The following LMNTD2 variants were observed in gnomAD, a reference collection of about 807,000 sequenced individuals.
The protein encoded by LMNTD2 is lamin tail domain containing 2.
LMNTD2 carries 83 observed loss-of-function variants against 70.1 expected under a neutral mutation model. The ratio of observed to expected loss-of-function variants is 1.18; its 90% CI spans 0.99 to 1.42. The LOEUF (loss-of-function observed/expected upper bound fraction) is 1.42. Among genes scored for constraint, LMNTD2 ranks in the 40% most tolerant of loss-of-function variants. The pLI is 0.00. For missense variants in LMNTD2, 1,153 were observed against 905.9 expected (o/e 1.27, Z -3.50); for synonymous variants, 534 against 406.1 (o/e 1.31, Z -3.79).
chr11:559,196 T>C, intron 1 of LMNTD2: 1 of 1,475,724 alleles, frequency 6.8e-7, no homozygotes, highest in Non-Finnish European at 9.0e-7. Context: ...CACACCCGTG[T>C]GTTTCTGACC....
chr11:557,100 G>A lies in LMNTD2; in HGVS notation c.714-3C>T, dbSNP rs370070902. 6.3e-7 allele frequency: 1 copy of A among 1,586,726 alleles called. No homozygotes were observed. The highest frequency in any genetic ancestry group is 1.3e-5 in the African/African-American group (1 of 74,456). On this transcript the variant is annotated splice_region_variant and splice_polypyrimidine_tract_variant and intron_variant, in intron 7 of 13. Coordinates refer to ENST00000329451, the MANE Select transcript of LMNTD2 (RefSeq NM_173573.3). ...GCTGTGGCCAGGGCCGGGGCTGCCT[G>A]TGGACCACGCTCTGCTTGATGGCCA...
intron 9 of LMNTD2, 54 bp downstream of exon 9, chr11:556,438 G>A (rs1564815621): frequency 6.5e-6 from 10 of 1,545,832 alleles, no homozygotes; most frequent in Non-Finnish European, 7.9e-6. Context: ...TGCGCGCCCC[G>A]CCCGGAAACC....
At position 556,374 on chromosome 11, in the gene LMNTD2, G is replaced by A; in HGVS notation, c.1075C>T (p.Pro359Ser). The change falls in exon 10 of 14, where the codon CCG becomes TCG. Residue 359 changes from proline (P) to serine (S), a missense_variant and splice_region_variant. By Grantham distance (74) the Pro-to-Ser change is moderately conservative. Transcript: ENST00000329451. ...DHWSPELLQS[P>S]TGLKIVAVSC... ...ACAGCCACGATCTTCAGGCCTGTCG[G>A]GCTGGGAAGAGAGGAGACGCTGTGA... The A allele has an allele frequency of 1.3e-6, 2 of 1,536,384 alleles. No homozygotes were observed. Among genetic ancestry groups the A allele is most frequent in the East Asian group, 2.4e-5 (1 of 40,894 alleles).
chr11:555,391 G>A lies in LMNTD2; in HGVS notation c.1687C>T (p.Pro563Ser), dbSNP rs1357472028. The change falls in exon 13 of 14, where the codon CCG becomes TCG. Residue 563 changes from proline (P) to serine (S), a missense_variant. By Grantham distance (74) the Pro-to-Ser change is moderately conservative (BLOSUM62 -1). Transcript: ENST00000329451. ...GGCGACGGCAGGGTGGGGTCACCCG[G>A]GATGGCGGGCAGGTGCTGCGGCGCG... Reference protein sequence around the residue: ...IPAPQHLPAIPGDPTLPSPPA... With the variant: ...IPAPQHLPAISGDPTLPSPPA... 31 of 1,407,556 alleles carry A rather than the reference G, an allele frequency of 2.2e-5. No homozygotes were observed. The highest frequency in any genetic ancestry group is 3.2e-5 in the Admixed American group (1 of 31,416). 87.2% of individuals were successfully genotyped at this position (1,407,556 alleles called of 1,614,324 possible). A position where few individuals can be genotyped will look rare whatever the true frequency, so the allele number is the denominator to read the frequency against.
chr11:555,170 AGGGGAGGAGAGGGGAGGG>A (rs1852734646), intron 13 of LMNTD2, 59 bp from the exon 14 acceptor site: 23 of 202,154 alleles, frequency 1.1e-4, no homozygotes, highest in South Asian at 4.4e-4. Context: ...AGGGGAGGGG[AGGGGAGGAGAGGGGAGGG>A]GCGGGGAGGA....
In LMNTD2 at chr11:556,603, G is replaced by T; in HGVS notation, c.977-15C>A. ...TTTCTGGAGATCTAGAGAGAGCAGC[G>T]CTTTTGGGGAGGGGACCCTCGAATG... On this transcript the variant is annotated splice_polypyrimidine_tract_variant and intron_variant, in intron 8 of 13. Coordinates refer to ENST00000329451, the MANE Select transcript of LMNTD2 (RefSeq NM_173573.3). The T allele has an allele frequency of 6.7e-7, 1 of 1,501,992 alleles. No individual in the cohort carries two copies. The allele number at this position is 1,501,992 out of a possible 1,614,324, so 93.0% of individuals were successfully genotyped here.
In LMNTD2 at chr11:558,666, C is replaced by T; in HGVS notation, c.259G>A (p.Asp87Asn). 1 of 1,605,686 alleles carries T rather than the reference C, an allele frequency of 6.2e-7. No homozygotes were observed. The highest frequency in any genetic ancestry group is 8.5e-7 in the Non-Finnish European group (1 of 1,177,546). The change falls in exon 3 of 14, where the codon GAC becomes AAC. Residue 87 changes from aspartate to asparagine, a missense_variant. Physicochemically the swap from Asp to Asn is conservative, Grantham distance 23. Transcript: ENST00000329451. ...ALRWAIQNGEDARLCHILEEV... is the reference protein window; with the variant it reads ...ALRWAIQNGENARLCHILEEV... ...TCCAGGATGTGGCAGAGCCGGGCGT[C>T]CTCGCCATTCTGGATGGCCCACCGC...
At chr11:559,313 C>A in intron 1 of LMNTD2, 5 of 1,397,710 alleles carry the variant, frequency 3.6e-6, no homozygotes, top group Non-Finnish European at 4.8e-6. Context: ...TCTCTCTTGT[C>A]CCCCCAGCTC....
chr11:555,616 G>A (rs1200055791), intron 12 of LMNTD2, 113 bp from the exon 13 acceptor site: 15 of 1,257,776 alleles, frequency 1.2e-5, no homozygotes, highest in East Asian at 6.3e-5. Flanking sequence ...ACCAGGGGGC[G>A]GCCGGGGCGG....
intron 1 of LMNTD2, chr11:559,832 G>A (rs964727536): frequency 1.0e-5 from 9 of 896,900 alleles, no homozygotes; most frequent in East Asian, 9.5e-5. Flanking sequence ...TGATGACAGC[G>A]CACGTTAACC....
chr11:555,233 G>GC, intron 13 of LMNTD2, 72 bp downstream of exon 13: 1 of 1,139,948 alleles, frequency 8.8e-7, no homozygotes, highest in Non-Finnish European at 1.1e-6. Flanking sequence ...ACAGAGGGGA[G>GC]GGAGGGGCGG....
chr11:558,111 C>G (rs191339375), intron 4 of LMNTD2, 50 bp downstream of exon 4: 1 of 1,607,604 alleles, frequency 6.2e-7, no homozygotes, highest in Non-Finnish European at 8.5e-7. Context: ...CAGCCCCAGC[C>G]TGGCTCCCCA....
Position 557,753 on chromosome 11 carries a change from C to T in LMNTD2, c.556-113G>A. On this transcript the variant is annotated intron_variant, in intron 5 of 13. Coordinates refer to ENST00000329451, the MANE Select transcript of LMNTD2 (RefSeq NM_173573.3). ...CCTCCTGATTCCTCCCTGCTGGAGC[C>T]CAGAGTTCCAGAGGCACCTGAGCAG... is the stretch of plus-strand genomic sequence containing the variant. The T allele has an allele frequency of 2.6e-6, 4 of 1,562,344 alleles. No homozygotes were observed. The South Asian group carries it at 3.5e-5, about 14-fold the overall frequency.
At chr11:557,791 G>C in intron 5 of LMNTD2, 93 bp downstream of exon 5, 1 of 1,516,496 alleles carries the variant, frequency 6.6e-7, no homozygotes, top group Non-Finnish European at 8.8e-7. Flanking sequence ...CAGGCTTCCA[G>C]GCAGGCCAGG....
rs530845240 is a variant in LMNTD2, at chr11:555,724, C to G, written c.1574+10G>C. 7 of 1,383,280 alleles carry G rather than the reference C, an allele frequency of 5.1e-6. No homozygotes were observed. In the East Asian group the frequency reaches 1.5e-4, roughly 30 times the overall value. The allele number at this position is 1,383,280 out of a possible 1,614,324, so 85.7% of individuals were successfully genotyped here. On this transcript the variant is annotated intron_variant, in intron 12 of 13. Coordinates refer to ENST00000329451, the MANE Select transcript of LMNTD2 (RefSeq NM_173573.3). ...AGGGAGGCCAGATCCCGGGGACCCG[C>G]GGTCCCCACCCTGGTCTCCGGCGAC...
In LMNTD2 at chr11:554,869, G is replaced by A. The variant is rs917808712; in HGVS notation, c.*111C>T. Reference sequence around the variant, plus strand: ...CAGCTCTCAGGTGTACAGAAATGCGGTTTACTTTGTAGGCCACGTTGGTTC... The same window carrying A: ...CAGCTCTCAGGTGTACAGAAATGCGATTTACTTTGTAGGCCACGTTGGTTC... On this transcript the variant is annotated 3_prime_UTR_variant, in exon 14 of 14. Coordinates refer to ENST00000329451, the MANE Select transcript of LMNTD2 (RefSeq NM_173573.3). 2 of 759,844 alleles carry A rather than the reference G, an allele frequency of 2.6e-6. No homozygotes were observed. The highest frequency in any genetic ancestry group is 3.9e-6 in the Non-Finnish European group (2 of 508,120). The allele number at this position is 759,844 out of a possible 1,614,324, so 47.1% of individuals were successfully genotyped here.
Position 559,246 on chromosome 11 carries a change from G to A in LMNTD2, c.35-267C>T, listed in dbSNP as rs146010132. 1,744 of 1,496,532 alleles carry A rather than the reference G, an allele frequency of 1.2e-3. 4 individuals carry two copies. The highest frequency in any genetic ancestry group is 1.5e-3 in the Non-Finnish European group (1,640 of 1,111,856). The allele number at this position is 1,496,532 out of a possible 1,614,324, so 92.7% of individuals were successfully genotyped here. A position where few individuals can be genotyped will look rare whatever the true frequency, so the allele number is the denominator to read the frequency against. ...GGTCACCACCCGACATGTCCCTGGC[G>A]TGTACCCCTGCCACCCAGGTGCTGG... On this transcript the variant is annotated intron_variant, in intron 1 of 13. Coordinates refer to ENST00000329451, the MANE Select transcript of LMNTD2 (RefSeq NM_173573.3).
chr11:556,912 C>T lies in LMNTD2; in HGVS notation c.899G>A (p.Gly300Glu). The change falls in exon 8 of 14, where the codon GGG (glycine) becomes GAG (glutamate). Residue 300 changes from glycine (G) to glutamate (E), a missense_variant. Transcript: ENST00000329451. ...AGCGCGGTGGTCCCGGGGCGGGTGC[C>T]CTATCACCTGCACGAAGGAAGGCAG... ...PGLPSFVQVI[G>E]HPPRDHRASS... The T allele has an allele frequency of 1.3e-6, 2 of 1,596,150 alleles. No homozygotes were observed. Among genetic ancestry groups the T allele is most frequent in the Non-Finnish European group, 1.7e-6 (2 of 1,174,920 alleles).
At chr11:559,667 G>C in intron 1 of LMNTD2, 2 of 1,172,470 alleles carry the variant, frequency 1.7e-6, no homozygotes, top group Admixed American at 7.3e-5. Context: ...CCATGGGTGT[G>C]TGGGGGAAGC....
Sources: gnomAD v4.1 joint callset for allele counts on GRCh38, gnomAD v4.1.1 for gene constraint, MANE v1.5 for transcripts, NCBI Gene and HGNC (gene_info 2026-07-23, HGNC 2026-07-21) for gene names.